MAGI2: variants seen among roughly 807,000 people sequenced by gnomAD.
MAGI2 encodes the protein membrane-associated guanylate kinase, WW and PDZ domain-containing protein 2.
Under a neutral mutation model 133.3 loss-of-function variants are expected in MAGI2, and 35 were observed. The ratio of observed to expected loss-of-function variants is 0.26; its 90% CI spans 0.20 to 0.35. MAGI2 has a LOEUF of 0.35. Ranked by LOEUF, MAGI2 falls within the 10% of genes least tolerant of loss-of-function variation. MAGI2 has a pLI of 1.00. For missense variants in MAGI2, 1,636 were observed against 1,863.4 expected (o/e 0.88, Z 2.25); for synonymous variants, 729 against 710.6 (o/e 1.03, Z -0.41).
chr7:78,265,407 G>A (rs540063420), intron 9 of MAGI2, among the ~76,000 whole-genome samples: 2 of 152,286 alleles, frequency 1.3e-5, no homozygotes, highest in Admixed American at 6.5e-5. Flanking sequence ...GCTTGCTCAC[G>A]TTGGGAATTC....
intron 1 of MAGI2, among the ~76,000 whole-genome samples, chr7:79,171,770 A>ATATATATATATATTTTTTT: frequency 5.8e-4 from 18 of 31,214 alleles, no homozygotes; most frequent in Non-Finnish European, 1.3e-3. Flanking sequence ...ATATATATAT[A>ATATATATATATATTTTTTT]TTTTTTTTTT....
intron 1 of MAGI2, among the ~76,000 whole-genome samples, chr7:79,016,522 C>G (rs1808751030): frequency 6.6e-6 from 1 of 152,168 alleles, no homozygotes; most frequent in Non-Finnish European, 1.5e-5. Context: ...CACCTATGCC[C>G]TTCTCCTACC....
At chr7:78,453,809 C>T (rs1023590856) in intron 6 of MAGI2, among the ~76,000 whole-genome samples, 1 of 152,102 alleles carries the variant, frequency 6.6e-6, no homozygotes, top group Non-Finnish European at 1.5e-5. Context: ...TCTGGAAACA[C>T]AAAAAATGTA....
intron 1 of MAGI2, among the ~76,000 whole-genome samples, chr7:79,131,427 C>A (rs979822020): frequency 5.9e-5 from 9 of 152,108 alleles, no homozygotes; most frequent in African/African-American, 2.2e-4. Context: ...ACCCAGAGGA[C>A]GTGATAAATA....
At chr7:79,008,033 TG>T (rs1488127769) in intron 1 of MAGI2, among the ~76,000 whole-genome samples, 2 of 152,096 alleles carry the variant, frequency 1.3e-5, no homozygotes, top group African/African-American at 2.4e-5. Context: ...AAAGATGACT[TG>T]TTAACTTATA....
chr7:78,789,474 T>A (rs1827095675), intron 2 of MAGI2, among the ~76,000 whole-genome samples: 1 of 152,212 alleles, frequency 6.6e-6, no homozygotes, highest in Non-Finnish European at 1.5e-5. Flanking sequence ...CCTTCAAACA[T>A]TTTGCATATT....
At chr7:78,268,286 G>A (rs1040258429) in intron 9 of MAGI2, among the ~76,000 whole-genome samples, 1 of 151,878 alleles carries the variant, frequency 6.6e-6, no homozygotes, top group African/African-American at 2.4e-5. Context: ...GCAAAATTTT[G>A]GATATTTTAA....
At chr7:79,090,916 G>A (rs1301496739) in intron 1 of MAGI2, among the ~76,000 whole-genome samples, 1 of 151,928 alleles carries the variant, frequency 6.6e-6, no homozygotes, top group African/African-American at 2.4e-5. Context: ...ATCACACACT[G>A]TTCCCACAAC....
intron 2 of MAGI2, among the ~76,000 whole-genome samples, chr7:78,967,832 TTTTG>T (rs1047271270): frequency 1.3e-5 from 2 of 152,032 alleles, no homozygotes; most frequent in African/African-American, 4.8e-5. Flanking sequence ...GACATTTGTT[TTTTG>T]TTTGTTTGTT....
chr7:79,102,932 G>A (rs755163380), intron 1 of MAGI2, among the ~76,000 whole-genome samples: 6 of 152,150 alleles, frequency 3.9e-5, no homozygotes, highest in South Asian at 2.1e-4. Flanking sequence ...TGGGTGTTCT[G>A]ATTCAATCAG....
At chr7:79,122,893 T>C (rs934819754) in intron 1 of MAGI2, among the ~76,000 whole-genome samples, 3 of 152,122 alleles carry the variant, frequency 2.0e-5, no homozygotes, top group East Asian at 1.9e-4. Context: ...GGTTTCCCCA[T>C]GTTGGCCAGG....
At chr7:79,197,510 T>C (rs1401993468) in intron 1 of MAGI2, among the ~76,000 whole-genome samples, 2 of 152,036 alleles carry the variant, frequency 1.3e-5, no homozygotes, top group Non-Finnish European at 2.9e-5. Context: ...TTCTCTGAGT[T>C]AATTTAACTA....
At chr7:78,585,956 C>A (rs16886198) in intron 3 of MAGI2, among the ~76,000 whole-genome samples, 14,197 of 152,166 alleles carry the variant, frequency 0.093, 1,496 homozygotes, top group East Asian at 0.51. Context: ...ACCACAGGAG[C>A]TCAATTCGTG....
chr7:78,291,238 G>C (rs1796679138), intron 9 of MAGI2, among the ~76,000 whole-genome samples: 1 of 152,182 alleles, frequency 6.6e-6, no homozygotes. Flanking sequence ...AATAAAAAAT[G>C]ACAAAGGAGA....
intron 3 of MAGI2, among the ~76,000 whole-genome samples, chr7:78,619,777 C>G (rs1807523801): frequency 1.3e-5 from 2 of 151,832 alleles, no homozygotes; most frequent in Non-Finnish European, 2.9e-5. Context: ...AATTGAATCA[C>G]TCACCAAAAA....
At position 79,449,353 on chromosome 7, in the gene MAGI2, A is replaced by ATTTTT. The variant is rs11439144; in HGVS notation, c.301+3662_301+3666dup. ...CATCTTCCACATGGGAAGAATTAGA[A>ATTTTT]TTTTTTTTTTTTTTTGCCTTTTATT... On this transcript the variant is annotated intron_variant, in intron 1 of 21. Coordinates refer to ENST00000354212, the MANE Select transcript of MAGI2 (RefSeq NM_012301.4). Among the ~76,000 whole-genome samples, 1,259 of 142,886 alleles carry ATTTTT rather than the reference A, an allele frequency of 8.8e-3. 18 individuals are homozygous for ATTTTT. Among genetic ancestry groups the ATTTTT allele is most frequent in the African/African-American group, 0.03 (1,142 of 38,334 alleles). 93.7% of individuals were successfully genotyped at this position (142,886 alleles called of 152,430 possible).
At chr7:79,172,393 C>CT in intron 1 of MAGI2, among the ~76,000 whole-genome samples, 1 of 151,916 alleles carries the variant, frequency 6.6e-6, no homozygotes, top group African/African-American at 2.4e-5. Context: ...ATGAAAATCT[C>CT]TTTTTTTGGA....
At chr7:79,359,829 G>T (rs914765455) in intron 1 of MAGI2, among the ~76,000 whole-genome samples, 13 of 152,032 alleles carry the variant, frequency 8.6e-5, no homozygotes, top group African/African-American at 3.1e-4. Flanking sequence ...TTTGTTGCTA[G>T]CTGACCAACC....
chr7:78,034,242 ACT>A (rs1809920641), intron 21 of MAGI2, among the ~76,000 whole-genome samples: 1 of 152,118 alleles, frequency 6.6e-6, no homozygotes, highest in Non-Finnish European at 1.5e-5. Context: ...AGAACAAGTG[ACT>A]TCAAATGTGA....
Sources: allele counts gnomAD v4.1 joint callset (sites outside exome capture counted in the v4.1 genomes callset), GRCh38; gene constraint gnomAD v4.1.1; transcripts MANE v1.5; gene names NCBI Gene and HGNC (gene_info 2026-07-23, HGNC 2026-07-21).